P2RX1: variants seen among roughly 807,000 people sequenced by gnomAD.
The protein encoded by P2RX1 is purinergic receptor P2X 1.
P2RX1 carries 42 observed loss-of-function variants against 50.3 expected under a neutral mutation model. The observed-to-expected ratio is 0.83, with a 90% confidence interval of 0.65 to 1.08. P2RX1 has a LOEUF of 1.08. Among genes scored for constraint, P2RX1 ranks in the 50% least tolerant of loss-of-function variants. The probability of loss-of-function intolerance (pLI) is 0.00; values close to 1 mark genes in which losing one functional copy is unlikely to be tolerated. For missense variants in P2RX1, 449 were observed against 529.0 expected (o/e 0.85, Z 1.48); for synonymous variants, 199 against 202.6 (o/e 0.98, Z 0.15).
intron 8 of P2RX1, 32 bp downstream of exon 8, chr17:3,899,598 CAAGG>C (rs1343418430): frequency 1.2e-6 from 2 of 1,610,446 alleles, no homozygotes; most frequent in African/African-American, 2.7e-5. Context: ...CGCAGGACCA[CAAGG>C]AAGAATGTGC....
At position 3,903,566 on chromosome 17, in the gene P2RX1, C is replaced by T. The variant is rs367615874; in HGVS notation, c.590G>A (p.Arg197His). The T allele has an allele frequency of 1.8e-5, 29 of 1,614,082 alleles. No homozygotes were observed. The highest frequency in any genetic ancestry group is 1.1e-4 in the African/African-American group (8 of 74,956). Residue 197 changes from arginine (R) to histidine (H), a missense_variant, in exon 6 of 12, where the codon CGC becomes CAC. Arg to His is a conservative substitution (Grantham distance 29, BLOSUM62 0). Transcript: ENST00000225538. This position sits in a 1 kb window ranked among gnomAD's most constrained non-coding sequence, Gnocchi z 4.6. Reference protein sequence around the residue: ...LFIKNSISFPRFKVNRRNLVE... With the variant: ...LFIKNSISFPHFKVNRRNLVE... The stretch of plus-strand genomic sequence containing the variant: ...TCCCACGCACCTGTTGACCTTGAAG[C>T]GTGGAAAGCTGATGCTGTTCTTGAT...
At chr17:3,904,119 G>T in intron 4 of P2RX1, 95 bp from the exon 5 acceptor site, 1 of 1,131,602 alleles carries the variant, frequency 8.8e-7, no homozygotes, top group Non-Finnish European at 1.3e-6. Flanking sequence ...GGCCACTCAA[G>T]CAAAGGAGCC....
chr17:3,901,169 G>T (rs1380499886), intron 7 of P2RX1, among the ~76,000 whole-genome samples: 1 of 152,176 alleles, frequency 6.6e-6, no homozygotes, highest in Non-Finnish European at 1.5e-5. Context: ...CCAGGTTCAA[G>T]CGATTCTCCT....
intron 10 of P2RX1, 145 bp from the exon 11 acceptor site, chr17:3,898,255 C>T (rs1292851824): frequency 6.3e-6 from 5 of 795,432 alleles, no homozygotes; most frequent in African/African-American, 3.4e-5. Context: ...TGGATGAGGC[C>T]CTGCAGGACT....
At chr17:3,915,612 G>T in intron 1 of P2RX1, 2 of 457,454 alleles carry the variant, frequency 4.4e-6, no homozygotes, top group South Asian at 3.1e-5. Context: ...TGCTCCGGGG[G>T]CCTCAAACGT....
At chr17:3,904,963 G>GGGGGGGGGGGGGGGGGGGGGGGGGCC in intron 2 of P2RX1, 34 bp from the exon 3 acceptor site, 2 of 435,304 alleles carry the variant, frequency 4.6e-6, no homozygotes, top group Non-Finnish European at 9.5e-6. Context: ...GGTGGGGTGG[G>GGGGGGGGGGGGGGGGGGGGGGGGGCC]CTGGGAGCTG....
At chr17:3,915,804 A>G in intron 1 of P2RX1, 1 of 566,906 alleles carries the variant, frequency 1.8e-6, no homozygotes. Flanking sequence ...CCTGAACACC[A>G]CTAACCACTC....
In P2RX1 at chr17:3,904,404, G is replaced by T. The variant is rs778239615; in HGVS notation, c.358-5C>A. 1 of 1,613,346 alleles carries T rather than the reference G, an allele frequency of 6.2e-7. No individual in the cohort carries two copies. The highest frequency in any genetic ancestry group is 1.1e-5 in the South Asian group (1 of 90,920). On this transcript the variant is annotated splice_region_variant and splice_polypyrimidine_tract_variant and intron_variant, in intron 3 of 11. Coordinates refer to ENST00000225538, the MANE Select transcript of P2RX1 (RefSeq NM_002558.4). The stretch of plus-strand genomic sequence containing the variant: ...GCATATGCCCCCTTCTGGGTGCTGG[G>T]GGAGGCAAAAGCTGCTGGTCCCAGG...
At chr17:3,898,609 G>T (rs998470770) in intron 9 of P2RX1, 60 bp from the exon 10 acceptor site, 5 of 1,353,406 alleles carry the variant, frequency 3.7e-6, no homozygotes, top group Middle Eastern at 1.8e-4. Flanking sequence ...GCTGGAAAAG[G>T]CCGGACCTGG....
In P2RX1 at chr17:3,914,424, G is replaced by A. The variant is rs752674588; in HGVS notation, c.137+1665C>T. On this transcript the variant is annotated intron_variant, in intron 1 of 11. Transcript: ENST00000225538. This position sits in a 1 kb window ranked among gnomAD's most constrained non-coding sequence, Gnocchi z 4.1. ...GCAGCTTGGGGCATAGGCTACGGCT[G>A]GGAATGGGTGGGTCCCTCCAACGCT... 3.3e-5 allele frequency among the ~76,000 whole-genome samples: 5 copies of A among 152,134 alleles called. No homozygotes were observed. Among genetic ancestry groups the A allele is most frequent in the Non-Finnish European group, 4.4e-5 (3 of 68,022 alleles).
chr17:3,904,085 C>A, intron 4 of P2RX1, 61 bp from the exon 5 acceptor site: 1 of 1,363,772 alleles, frequency 7.3e-7, no homozygotes, highest in East Asian at 2.3e-5. Flanking sequence ...CCCCAGACCC[C>A]TTCTCCAGGA....
In P2RX1 at chr17:3,898,074, G is replaced by A; in HGVS notation, c.1069C>T (p.Leu357=). Reference sequence around the variant, plus strand: ...TGCTTGTAGTAGTGCCTCTTAGGCAGGATGTGAAGCAGCAGCAGGTCACAG... The same window carrying A: ...TGCTTGTAGTAGTGCCTCTTAGGCAAGATGTGAAGCAGCAGCAGGTCACAG... The part of the protein sequence containing the change: ...VLCDLLLLHI[L]PKRHYYKQKK... Residue 357 remains leucine, a synonymous_variant, in exon 11 of 12, where the codon CTG becomes TTG. Coordinates refer to ENST00000225538, the MANE Select transcript of P2RX1 (RefSeq NM_002558.4). 6.2e-7 allele frequency: 1 copy of A among 1,613,574 alleles called. No individual in the cohort carries two copies. The highest frequency in any genetic ancestry group is 8.5e-7 in the Non-Finnish European group (1 of 1,179,922).
intron 7 of P2RX1, among the ~76,000 whole-genome samples, chr17:3,901,844 C>G (rs544040509): frequency 6.6e-6 from 1 of 152,324 alleles, no homozygotes; most frequent in African/African-American, 2.4e-5. Context: ...GCGAGGCACG[C>G]CACGCACACC....
chr17:3,906,154 C>T (rs567155876), intron 1 of P2RX1, among the ~76,000 whole-genome samples: 13 of 151,742 alleles, frequency 8.6e-5, no homozygotes, highest in Middle Eastern at 3.4e-3. Flanking sequence ...TTTTTTGAGA[C>T]GGAGTCTCGC....
At position 3,903,199 on chromosome 17, in the gene P2RX1, T is replaced by A. The variant is rs369667872; in HGVS notation, c.747+3A>T. ...CCCACGTGCCTGGCACCATGCTCCA[T>A]ACCTTCTCAGCCAGGGTGCTGAAGT... On this transcript the variant is annotated splice_donor_region_variant and intron_variant, in intron 7 of 11. Coordinates refer to ENST00000225538, the MANE Select transcript of P2RX1 (RefSeq NM_002558.4). The surrounding 1 kb of genome is among the most constrained non-coding windows in gnomAD (Gnocchi z 4.6). 1.5e-5 allele frequency: 25 copies of A among 1,613,960 alleles called. No homozygotes were observed. In the African/African-American group the frequency reaches 2.8e-4, roughly 18 times the overall value.
Position 3,903,547 on chromosome 17 carries a change from G to T in P2RX1, c.605+4C>A, listed in dbSNP as rs373739052. 1 of 1,613,896 alleles carries T rather than the reference G, an allele frequency of 6.2e-7. No homozygotes were observed. The highest frequency in any genetic ancestry group is 8.5e-7 in the Non-Finnish European group (1 of 1,179,812). On this transcript the variant is annotated splice_donor_region_variant and intron_variant, in intron 6 of 11. Transcript: ENST00000225538. This position sits in a 1 kb window ranked among gnomAD's most constrained non-coding sequence, Gnocchi z 4.6. ...CTGCATTTCTGCCCGAATTTCCCACGCACCTGTTGACCTTGAAGCGTGGAA... is the reference window on the plus strand; with the variant it reads ...CTGCATTTCTGCCCGAATTTCCCACTCACCTGTTGACCTTGAAGCGTGGAA...
intron 3 of P2RX1, 52 bp downstream of exon 3, chr17:3,904,806 G>A (rs377438327): frequency 5.4e-5 from 75 of 1,401,032 alleles, no homozygotes; most frequent in Non-Finnish European, 6.8e-5. Flanking sequence ...TTCTCTGCAC[G>A]TCATTTTCCC....
rs2056041999 is a variant in P2RX1, at chr17:3,897,194, CTGGGGG to C, written c.*614_*619del. 6.3e-6 allele frequency: 1 copy of C among 159,828 alleles called. No homozygotes were observed. Among genetic ancestry groups the C allele is most frequent in the Non-Finnish European group, 1.4e-5 (1 of 71,884 alleles). The allele number at this position is 159,828 out of a possible 1,614,324, so 9.9% of individuals were successfully genotyped here. On this transcript the variant is annotated 3_prime_UTR_variant, in exon 12 of 12. Transcript: ENST00000225538. ...CCCTGGAGCTTTTGGTTCAGGAGGT[CTGGGGG>C]TGGGCCCAGGAGCTTGCATTGTCGA...
intron 7 of P2RX1, among the ~76,000 whole-genome samples, chr17:3,902,220 G>T (rs888515542): frequency 6.6e-6 from 1 of 152,098 alleles, no homozygotes; most frequent in South Asian, 2.1e-4. Context: ...CCGCCTCCCG[G>T]GTTCAAGCAA....
Sources: gnomAD v4.1 joint callset for allele counts (sites outside exome capture counted in the v4.1 genomes callset) on GRCh38, gnomAD v4.1.1 for gene constraint, Gnocchi (gnomAD v3.1) non-coding constraint, MANE v1.5 for transcripts, NCBI Gene and HGNC (gene_info 2026-07-23, HGNC 2026-07-21) for gene names.